SYT1: variants seen among roughly 807,000 people sequenced by gnomAD.
SYT1 encodes synaptotagmin-1.
Under a neutral mutation model 44.8 loss-of-function variants are expected in SYT1, and 8 were observed. The observed-to-expected ratio is 0.18, with a 90% CI of 0.10 to 0.32. SYT1 has a LOEUF of 0.32. Among genes scored for constraint, SYT1 ranks in the 10% least tolerant of loss-of-function variants. The pLI is 1.00. For synonymous variants in SYT1, 154 were observed against 188.8 expected, an observed-to-expected ratio of 0.82 and a Z score of 1.51; for missense variants, 286 against 509.3, an observed-to-expected ratio of 0.56 and a Z score of 4.22.
intron 1 of SYT1, among the ~76,000 whole-genome samples, chr12:78,951,232 G>A (rs948697173): frequency 1.3e-5 from 2 of 152,078 alleles, no homozygotes; most frequent in East Asian, 1.9e-4. Flanking sequence ...AGTAAAAAGC[G>A]TTCTTTACCT....
At chr12:79,230,647 T>C (rs1463231324) in intron 4 of SYT1, among the ~76,000 whole-genome samples, 1 of 152,198 alleles carries the variant, frequency 6.6e-6, no homozygotes, top group Non-Finnish European at 1.5e-5. Context: ...GATGCTACAT[T>C]TCAGGAAGGC....
intron 3 of SYT1, among the ~76,000 whole-genome samples, chr12:79,088,451 A>G (rs1284145892): frequency 6.6e-6 from 1 of 152,116 alleles, no homozygotes; most frequent in African/African-American, 2.4e-5. Flanking sequence ...TCAGCAGAGC[A>G]AAGGCTGGCT....
At chr12:79,181,764 CT>C (rs575882373) in intron 3 of SYT1, among the ~76,000 whole-genome samples, 19 of 152,154 alleles carry the variant, frequency 1.2e-4, no homozygotes, top group South Asian at 6.2e-4. Context: ...CACAATGCCC[CT>C]AATCCCTTCT....
chr12:78,940,115 G>C (rs1878270918), intron 1 of SYT1, among the ~76,000 whole-genome samples: 1 of 152,006 alleles, frequency 6.6e-6, no homozygotes, highest in African/African-American at 2.4e-5. Context: ...TTAAATGCTA[G>C]TCCCTGGAGC....
At chr12:78,947,797 TA>T (rs548875988) in intron 1 of SYT1, among the ~76,000 whole-genome samples, 6 of 147,354 alleles carry the variant, frequency 4.1e-5, no homozygotes, top group South Asian at 2.1e-4. Flanking sequence ...AGGGATTGTT[TA>T]AAAAAAAAAG....
chr12:78,888,675 CCT>C (rs1262482709), intron 1 of SYT1, among the ~76,000 whole-genome samples: 1 of 151,850 alleles, frequency 6.6e-6, no homozygotes, highest in Non-Finnish European at 1.5e-5. Flanking sequence ...CTTCTGAACT[CCT>C]CTTTACTTTT....
intron 3 of SYT1, among the ~76,000 whole-genome samples, chr12:79,205,684 T>C (rs187529477): frequency 6.6e-6 from 1 of 152,314 alleles, no homozygotes; most frequent in East Asian, 1.9e-4. Flanking sequence ...TTGGATATGT[T>C]TTGCCAGTTT....
intron 2 of SYT1, among the ~76,000 whole-genome samples, chr12:79,036,323 G>A (rs548590631): frequency 1.3e-5 from 2 of 151,916 alleles, no homozygotes; most frequent in East Asian, 1.9e-4. Flanking sequence ...TTGTTGGTAT[G>A]GAAAGCTTCA....
chr12:79,280,347 C>T (rs370831036), intron 4 of SYT1, among the ~76,000 whole-genome samples: 7 of 152,072 alleles, frequency 4.6e-5, no homozygotes, highest in Admixed American at 2.6e-4. Context: ...AATAAAGCCA[C>T]GTCTCTACAG....
At chr12:79,402,583 G>A (rs1885109795) in intron 9 of SYT1, among the ~76,000 whole-genome samples, 2 of 151,996 alleles carry the variant, frequency 1.3e-5, no homozygotes, top group African/African-American at 2.4e-5. Context: ...CAATCACATC[G>A]ATGCCAGAGG....
At chr12:79,180,466 AATTT>A (rs1420239859) in intron 3 of SYT1, among the ~76,000 whole-genome samples, 1 of 78,132 alleles carries the variant, frequency 1.3e-5, no homozygotes, top group African/African-American at 6.2e-5. Context: ...TGAGACTGGT[AATTT>A]ATTTTCTTTT....
intron 3 of SYT1, among the ~76,000 whole-genome samples, chr12:79,183,514 C>A (rs886830892): frequency 1.6e-4 from 24 of 151,986 alleles, no homozygotes; most frequent in African/African-American, 5.8e-4. Flanking sequence ...CCCCCAACCA[C>A]CAAAGAATTA....
At chr12:79,362,097 A>T (rs1489645566) in intron 9 of SYT1, among the ~76,000 whole-genome samples, 1 of 152,230 alleles carries the variant, frequency 6.6e-6, no homozygotes, top group Non-Finnish European at 1.5e-5. Flanking sequence ...AAATCTACAG[A>T]TGAAGAAGTA....
intron 8 of SYT1, among the ~76,000 whole-genome samples, chr12:79,315,176 A>AT (rs949675252): frequency 2.0e-5 from 3 of 152,046 alleles, no homozygotes; most frequent in Non-Finnish European, 4.4e-5. Context: ...GCTGTTTCTT[A>AT]TTTTTTATTT....
intron 3 of SYT1, among the ~76,000 whole-genome samples, chr12:79,148,957 T>G (rs1009535290): frequency 1.3e-5 from 2 of 152,132 alleles, no homozygotes; most frequent in Non-Finnish European, 2.9e-5. Context: ...AATTAGTTCT[T>G]GTATATAAGA....
chr12:79,056,789 A>C (rs899063399), intron 3 of SYT1, among the ~76,000 whole-genome samples: 2 of 152,080 alleles, frequency 1.3e-5, no homozygotes, highest in Non-Finnish European at 2.9e-5. Flanking sequence ...TTACCAAAGA[A>C]ATCTCAGTTG....
chr12:79,233,274 T>C lies in SYT1; in HGVS notation c.166+15589T>C, dbSNP rs142836117. Among the ~76,000 whole-genome samples the C allele has an allele frequency of 5.8e-3, 882 of 152,318 alleles. 8 individuals carry two copies. Among genetic ancestry groups the C allele is most frequent in the African/African-American group, 0.02 (835 of 41,570 alleles). On this transcript the variant is annotated intron_variant, in intron 4 of 10. Coordinates refer to ENST00000261205, the MANE Select transcript of SYT1 (RefSeq NM_005639.3). The stretch of plus-strand genomic sequence containing the variant: ...AAAAATAACGAATTGTATTGAAATG[T>C]CCAGAAAATAAGATTAGTTCATTTT...
At chr12:79,029,413 A>T (rs1299705887) in intron 2 of SYT1, among the ~76,000 whole-genome samples, 2 of 150,818 alleles carry the variant, frequency 1.3e-5, no homozygotes, top group Non-Finnish European at 3.0e-5. Context: ...GTAGTGCTGG[A>T]GCAAATATAT....
At chr12:79,189,316 G>A (rs1872978460) in intron 3 of SYT1, among the ~76,000 whole-genome samples, 1 of 152,132 alleles carries the variant, frequency 6.6e-6, no homozygotes, top group Non-Finnish European at 1.5e-5. Context: ...CTGTAACATG[G>A]AGATCATTGC....
Sources: allele counts gnomAD v4.1 joint callset (sites outside exome capture counted in the v4.1 genomes callset), GRCh38; gene constraint gnomAD v4.1.1; transcripts MANE v1.5; gene names NCBI Gene and HGNC (gene_info 2026-07-23, HGNC 2026-07-21).